Variants in PCDHGB4 observed in about 807,000 individuals in gnomAD.
The protein encoded by PCDHGB4 is protocadherin gamma-B4.
PCDHGB4 carries 38 observed loss-of-function variants against 60.5 expected under a neutral mutation model. The ratio of observed to expected loss-of-function variants is 0.63; its 90% confidence interval spans 0.48 to 0.82. The LOEUF (loss-of-function observed/expected upper bound fraction) is 0.82. Ranked by LOEUF, PCDHGB4 falls within the 40% of genes least tolerant of loss-of-function variation. PCDHGB4 has a pLI of 0.00. For missense variants in PCDHGB4, 1,109 were observed against 1,209.6 expected, an observed-to-expected ratio of 0.92 and a Z score of 1.23; for synonymous variants, 456 against 509.7, an observed-to-expected ratio of 0.89 and a Z score of 1.42.
chr5:141,507,661 C>T (rs1328943034), intron 3 of PCDHGB4, among the ~76,000 whole-genome samples: 1 of 152,236 alleles, frequency 6.6e-6, no homozygotes, highest in Non-Finnish European at 1.5e-5. Context: ...GCTTTTTAGC[C>T]TAAATCCAGA....
chr5:141,417,939 C>T, intron 1 of PCDHGB4: 1 of 1,612,862 alleles, frequency 6.2e-7, no homozygotes, highest in Non-Finnish European at 8.5e-7. Context: ...TTGTTCTACC[C>T]CACGCTGTGT....
At chr5:141,478,694 T>A (rs2099472305) in intron 1 of PCDHGB4, 1 of 1,550,598 alleles carries the variant, frequency 6.4e-7, no homozygotes, top group Admixed American at 2.0e-5. Flanking sequence ...TAGATCAAAG[T>A]TAGTGCCTTT....
chr5:141,428,561 A>G (rs879118525), intron 1 of PCDHGB4: 16 of 238,202 alleles, frequency 6.7e-5, no homozygotes, highest in South Asian at 5.9e-4. Context: ...GTCCCCCCAC[A>G]AGATCTTTCT....
Position 141,394,191 on chromosome 5 carries a change from T to C in PCDHGB4, c.2397+3910T>C, listed in dbSNP as rs775886477. 3 of 1,613,764 alleles carry C rather than the reference T, an allele frequency of 1.9e-6. No homozygotes were observed. The Admixed American group carries it at 5.0e-5, about 27-fold the overall frequency. On this transcript the variant is annotated intron_variant, in intron 1 of 3. Coordinates refer to ENST00000519479, the MANE Select transcript of PCDHGB4 (RefSeq NM_003736.4). ...TTTCCCTCATGCCTCCTACTCAGCG[T>C]ATATCCTAGAGAACAACCTGAGAGG...
Position 141,487,893 on chromosome 5 carries a change from G to A in PCDHGB4, c.2398-6914G>A. Reference sequence around the variant, plus strand: ...AGCCAGGCTGTTGTGGAAGCATGATGATGGAATGTGGGAGCACAGGAGGCT... The same window carrying A: ...AGCCAGGCTGTTGTGGAAGCATGATAATGGAATGTGGGAGCACAGGAGGCT... On this transcript the variant is annotated intron_variant, in intron 1 of 3. Coordinates refer to ENST00000519479, the MANE Select transcript of PCDHGB4 (RefSeq NM_003736.4). The surrounding 1 kb of genome is among the most constrained non-coding windows in gnomAD (Gnocchi z 5.0). The A allele has an allele frequency of 1.4e-6, 1 of 731,472 alleles. No individual in the cohort carries two copies. The highest frequency in any genetic ancestry group is 2.2e-6 in the Non-Finnish European group (1 of 450,166). 45.3% of individuals were successfully genotyped at this position (731,472 alleles called of 1,614,324 possible). A position where few individuals can be genotyped will look rare whatever the true frequency, so the allele number is the denominator to read the frequency against.
chr5:141,430,686 C>G, intron 1 of PCDHGB4: 1 of 1,397,218 alleles, frequency 7.2e-7, no homozygotes, highest in Non-Finnish European at 9.5e-7. Context: ...CTGTCCCATT[C>G]TATGGGCGAA....
Position 141,390,025 on chromosome 5 carries a change from G to GA in PCDHGB4, c.2142dup (p.Arg715ThrfsTer18), listed in dbSNP as rs2092024046. ...ATTCTGGCCATTGCCTTGCGCCTGC[G>GA]ACGCTCCTCCAGCCCCGCCTCCTGG... On this transcript the variant is annotated frameshift_variant, in exon 1 of 4. Coordinates refer to ENST00000519479, the MANE Select transcript of PCDHGB4 (RefSeq NM_003736.4). LOFTEE classifies it high-confidence loss of function. The GA allele has an allele frequency of 1.2e-6, 2 of 1,613,882 alleles. No individual in the cohort carries two copies. The highest frequency in any genetic ancestry group is 1.7e-6 in the Non-Finnish European group (2 of 1,179,902).
chr5:141,418,980 A>C (rs1219866791), intron 1 of PCDHGB4: 2 of 1,614,004 alleles, frequency 1.2e-6, no homozygotes, highest in Non-Finnish European at 1.7e-6. Flanking sequence ...ACACGGGACC[A>C]AGACTCAGGG....
chr5:141,446,423 T>C (rs745968692), intron 1 of PCDHGB4, among the ~76,000 whole-genome samples: 1 of 152,152 alleles, frequency 6.6e-6, no homozygotes, highest in Non-Finnish European at 1.5e-5. Context: ...CATGTTCATT[T>C]GAAGGATCTG....
At chr5:141,460,848 C>A (rs528601988) in intron 1 of PCDHGB4, among the ~76,000 whole-genome samples, 1 of 150,236 alleles carries the variant, frequency 6.7e-6, no homozygotes, top group African/African-American at 2.4e-5. Context: ...GCCTCCAGTT[C>A]GATCCAAGTT....
chr5:141,462,998 C>A (rs562002585), intron 1 of PCDHGB4, among the ~76,000 whole-genome samples: 3 of 152,190 alleles, frequency 2.0e-5, no homozygotes, highest in Admixed American at 2.0e-4. Context: ...CTAATTTAGA[C>A]CTACCACTTA....
At chr5:141,446,508 G>A (rs932199756) in intron 1 of PCDHGB4, among the ~76,000 whole-genome samples, 4 of 151,356 alleles carry the variant, frequency 2.6e-5, no homozygotes, top group Non-Finnish European at 5.9e-5. Flanking sequence ...ATGGAGTCTC[G>A]CTCTGTCACC....
intron 1 of PCDHGB4, among the ~76,000 whole-genome samples, chr5:141,458,909 T>G (rs548847649): frequency 6.6e-6 from 1 of 152,192 alleles, no homozygotes; most frequent in African/African-American, 2.4e-5. Context: ...TTTTTTCTAT[T>G]TTTTGTGGAG....
chr5:141,485,444 G>A lies in PCDHGB4; in HGVS notation c.2398-9363G>A. 1 of 1,614,110 alleles carries A rather than the reference G, an allele frequency of 6.2e-7. No individual in the cohort carries two copies. Among genetic ancestry groups the A allele is most frequent in the Non-Finnish European group, 8.5e-7 (1 of 1,180,020 alleles). On this transcript the variant is annotated intron_variant, in intron 1 of 3. Coordinates refer to ENST00000519479, the MANE Select transcript of PCDHGB4 (RefSeq NM_003736.4). This position sits in a 1 kb window ranked among gnomAD's most constrained non-coding sequence, Gnocchi z 5.7. ...AGCCCTGCTCATCAAGAACCCAATC[G>A]ACCGAGAGGCACTGTGTGGGCTCAG...
chr5:141,410,835 T>C (rs1360836957), intron 1 of PCDHGB4: 2 of 490,228 alleles, frequency 4.1e-6, no homozygotes, highest in Admixed American at 4.0e-5. Context: ...AGACTGAAGA[T>C]ATTTTGTCTT....
chr5:141,417,112 G>T (rs1399534957), intron 1 of PCDHGB4: 3 of 152,030 alleles, frequency 2.0e-5, no homozygotes, highest in African/African-American at 7.3e-5. Flanking sequence ...AGCAATACAG[G>T]ACACCCTGGA....
At position 141,477,210 on chromosome 5, in the gene PCDHGB4, C is replaced by G. The variant is rs780852225; in HGVS notation, c.2398-17597C>G. 1.2e-6 allele frequency: 2 copies of G among 1,614,142 alleles called. No individual in the cohort carries two copies. The highest frequency in any genetic ancestry group is 1.7e-6 in the Non-Finnish European group (2 of 1,180,030). On this transcript the variant is annotated intron_variant, in intron 1 of 3. Coordinates refer to ENST00000519479, the MANE Select transcript of PCDHGB4 (RefSeq NM_003736.4). The surrounding 1 kb of genome is among the most constrained non-coding windows in gnomAD (Gnocchi z 4.9). ...GTGTACAGCCCAGTACCCGAGGATG[C>G]CCCTCTGGGGACTGTCATCGCTTTG...
intron 1 of PCDHGB4, chr5:141,418,921 T>A (rs897705216): frequency 1.9e-6 from 3 of 1,613,928 alleles, no homozygotes; most frequent in Admixed American, 3.3e-5. Context: ...CACTCTCTGA[T>A]CAGATTATGG....
At chr5:141,413,220 C>A in intron 1 of PCDHGB4, 1 of 1,613,330 alleles carries the variant, frequency 6.2e-7, no homozygotes, top group South Asian at 1.1e-5. Flanking sequence ...AGGATTGCAG[C>A]GGGCTGGTCC....
Sources: allele counts gnomAD v4.1 joint callset (sites outside exome capture counted in the v4.1 genomes callset), GRCh38; gene constraint gnomAD v4.1.1; non-coding constraint Gnocchi (gnomAD v3.1); transcripts MANE v1.5; gene names NCBI Gene and HGNC (gene_info 2026-07-23, HGNC 2026-07-21).